The following DTWD2 variants were observed in gnomAD, a reference collection of about 807,000 sequenced individuals.
The protein encoded by DTWD2 is tRNA-uridine aminocarboxypropyltransferase 2.
Under a neutral mutation model 31.8 loss-of-function variants are expected in DTWD2, and 39 were observed. That is an observed-to-expected ratio of 1.22 (90% CI 0.95 to 1.60). DTWD2 has a LOEUF of 1.60. Among genes scored for constraint, DTWD2 ranks in the 40% most tolerant of loss-of-function variants. The pLI is 0.00. For synonymous variants in DTWD2, 180 were observed against 142.8 expected, an observed-to-expected ratio of 1.26 and a Z score of -1.86; for missense variants, 515 against 381.5, an observed-to-expected ratio of 1.35 and a Z score of -2.92.
chr5:118,927,999 C>A (rs1037956515), intron 4 of DTWD2, among the ~76,000 whole-genome samples: 2 of 151,992 alleles, frequency 1.3e-5, no homozygotes, highest in African/African-American at 4.8e-5. Flanking sequence ...ATAGTTTACT[C>A]AGTTGAGTCC....
intron 1 of DTWD2, among the ~76,000 whole-genome samples, chr5:118,947,103 G>GGA (rs1754355222): frequency 6.6e-6 from 1 of 152,118 alleles, no homozygotes; most frequent in African/African-American, 2.4e-5. Flanking sequence ...ACGCCTGGTG[G>GGA]GACGGGGAGC....
chr5:118,909,869 G>A (rs1212359425), intron 4 of DTWD2, among the ~76,000 whole-genome samples: 1 of 152,136 alleles, frequency 6.6e-6, no homozygotes, highest in African/African-American at 2.4e-5. Context: ...CACTAGACCT[G>A]GTTCCATAGC....
chr5:118,927,530 CTGTG>C (rs751581795), intron 4 of DTWD2, among the ~76,000 whole-genome samples: 1 of 151,614 alleles, frequency 6.6e-6, no homozygotes. Flanking sequence ...GTGTCTATGT[CTGTG>C]TGTGTATGAT....
At chr5:118,954,958 A>G (rs1054231548) in intron 1 of DTWD2, among the ~76,000 whole-genome samples, 1 of 152,132 alleles carries the variant, frequency 6.6e-6, no homozygotes, top group African/African-American at 2.4e-5. Context: ...CTGGTACTTA[A>G]GTAATTCATT....
At chr5:118,893,073 T>TA (rs970808514) in intron 4 of DTWD2, among the ~76,000 whole-genome samples, 119 of 151,474 alleles carry the variant, frequency 7.9e-4, no homozygotes, top group African/African-American at 2.5e-3. Flanking sequence ...TACTTCTATA[T>TA]AAAAAAAAGT....
intron 1 of DTWD2, among the ~76,000 whole-genome samples, chr5:118,952,818 C>T (rs1369126424): frequency 6.6e-6 from 1 of 152,178 alleles, no homozygotes; most frequent in East Asian, 1.9e-4. Flanking sequence ...GCTTATGCTC[C>T]AAGACAACGC....
rs188726131 is a variant in DTWD2, at chr5:118,869,706, T to G, written c.598-21488A>C. Among the ~76,000 whole-genome samples, 416 of 152,346 alleles carry G rather than the reference T, an allele frequency of 2.7e-3. 1 individual carries two copies. The highest frequency in any genetic ancestry group is 4.5e-3 in the Non-Finnish European group (306 of 68,034). On this transcript the variant is annotated intron_variant, in intron 4 of 5. Coordinates refer to ENST00000510708, the MANE Select transcript of DTWD2 (RefSeq NM_173666.4). Reference sequence around the variant, plus strand: ...AGGTATGGAAAAAGATACTCCAATATGTTAACATAGCCTTTGTTATGGTAA... The same window carrying G: ...AGGTATGGAAAAAGATACTCCAATAGGTTAACATAGCCTTTGTTATGGTAA...
chr5:118,921,514 C>A, intron 4 of DTWD2, among the ~76,000 whole-genome samples: 1 of 145,012 alleles, frequency 6.9e-6, no homozygotes. Flanking sequence ...AGCAAGACCC[C>A]ATCTCTTAAA....
chr5:118,938,577 A>G (rs538046214), intron 3 of DTWD2, among the ~76,000 whole-genome samples: 189 of 152,190 alleles, frequency 1.2e-3, no homozygotes, highest in African/African-American at 4.4e-3. Context: ...GGCCAGGCCC[A>G]GTGGCTCATG....
intron 2 of DTWD2, among the ~76,000 whole-genome samples, 175 bp downstream of exon 2, chr5:118,944,384 C>T (rs1754282189): frequency 6.6e-6 from 1 of 152,134 alleles, no homozygotes; most frequent in Non-Finnish European, 1.5e-5. Context: ...GAGCATAAGA[C>T]TCTATACTAT....
chr5:118,933,095 A>G (rs1298437850), intron 3 of DTWD2, among the ~76,000 whole-genome samples: 2 of 152,200 alleles, frequency 1.3e-5, no homozygotes, highest in African/African-American at 4.8e-5. Context: ...TTGAAAAACA[A>G]ACTATCAAAA....
Position 118,944,164 on chromosome 5 carries a change from G to A in DTWD2, c.309+395C>T, listed in dbSNP as rs186557507. 3.0e-4 allele frequency among the ~76,000 whole-genome samples: 45 copies of A among 152,186 alleles called. No homozygotes were observed. In the East Asian group the frequency reaches 8.3e-3, roughly 28 times the overall value. ...AAAAATTTATTTATACATTCACTTTGTAAGAGTAAAATGCCAAAGTTACTT... is the reference window on the plus strand; with the variant it reads ...AAAAATTTATTTATACATTCACTTTATAAGAGTAAAATGCCAAAGTTACTT... On this transcript the variant is annotated intron_variant, in intron 2 of 5. Transcript: ENST00000510708.
intron 1 of DTWD2, among the ~76,000 whole-genome samples, chr5:118,972,284 G>A (rs1379315719): frequency 5.3e-5 from 8 of 152,116 alleles, no homozygotes; most frequent in Non-Finnish European, 1.2e-4. Context: ...AAATGATAAG[G>A]GGGATATCAC....
rs545537669 is a variant in DTWD2 at position 118,894,304 on chromosome 5, C to A, written c.597+34233G>T. On this transcript the variant is annotated intron_variant, in intron 4 of 5. Coordinates refer to ENST00000510708, the MANE Select transcript of DTWD2 (RefSeq NM_173666.4). ...GTAATTCAATATGTACAATCCCAATCCAACTCCTAGCAAGATTTTTGTTGG... is the reference window on the plus strand; with the variant it reads ...GTAATTCAATATGTACAATCCCAATACAACTCCTAGCAAGATTTTTGTTGG... Among the ~76,000 whole-genome samples the A allele has an allele frequency of 1.2e-4, 18 of 152,242 alleles. No homozygotes were observed. The South Asian group carries it at 3.7e-3, about 32-fold the overall frequency.
chr5:118,911,104 C>CT (rs149576169), intron 4 of DTWD2, among the ~76,000 whole-genome samples: 4,304 of 152,228 alleles, frequency 0.028, 207 homozygotes, highest in African/African-American at 0.098. Context: ...ACATAAGGAA[C>CT]TTATATAACT....
Position 118,840,407 on chromosome 5 carries a change from C to T in DTWD2, c.*510G>A, listed in dbSNP as rs529573693. On this transcript the variant is annotated 3_prime_UTR_variant, in exon 6 of 6. Coordinates refer to ENST00000510708, the MANE Select transcript of DTWD2 (RefSeq NM_173666.4). ...GTTCAAATTTGGCCCCTAAACAATA[C>T]TTAAAATTTCCTTATTCCTTTATAC... is the stretch of plus-strand genomic sequence containing the variant. 3.0e-4 allele frequency: 45 copies of T among 152,298 alleles called. No homozygotes were observed. The highest frequency in any genetic ancestry group is 1.1e-3 in the African/African-American group (44 of 41,580). 9.4% of individuals were successfully genotyped at this position (152,298 alleles called of 1,614,324 possible).
intron 1 of DTWD2, chr5:118,974,215 C>A: frequency 8.0e-7 from 1 of 1,250,882 alleles, no homozygotes; most frequent in Non-Finnish European, 1.1e-6. Context: ...AACGTGGTCA[C>A]CTTCGAGTAG....
chr5:118,874,641 A>G (rs908228438), intron 4 of DTWD2, among the ~76,000 whole-genome samples: 2 of 152,190 alleles, frequency 1.3e-5, no homozygotes, highest in African/African-American at 4.8e-5. Context: ...CTAAAATAAA[A>G]CAGGCCGACA....
chr5:118,850,991 A>G (rs1751988236), intron 4 of DTWD2, among the ~76,000 whole-genome samples: 1 of 152,200 alleles, frequency 6.6e-6, no homozygotes, highest in Admixed American at 6.5e-5. Context: ...TCAGGCCTGC[A>G]ATCCCAGCAC....
Sources: allele counts gnomAD v4.1 joint callset (sites outside exome capture counted in the v4.1 genomes callset), GRCh38; gene constraint gnomAD v4.1.1; transcripts MANE v1.5; gene names NCBI Gene and HGNC (gene_info 2026-07-23, HGNC 2026-07-21).